Variants in STRN observed in about 807,000 individuals in gnomAD.
STRN encodes protein phosphatase 2 regulatory subunit B'''alpha.
Under a neutral mutation model 96.3 loss-of-function variants are expected in STRN, and 53 were observed. The ratio of observed to expected loss-of-function variants is 0.55; its 90% CI spans 0.44 to 0.69. STRN has a LOEUF of 0.69. STRN is among the 30% of genes least tolerant of loss of function. The pLI is 0.00. For synonymous variants in STRN, 428 were observed against 355.9 expected, an observed-to-expected ratio of 1.20 and a Z score of -2.28; for missense variants, 987 against 963.9, an observed-to-expected ratio of 1.02 and a Z score of -0.32.
intron 1 of STRN, among the ~76,000 whole-genome samples, chr2:36,956,976 T>C (rs1664904385): frequency 1.3e-5 from 2 of 151,926 alleles, no homozygotes; most frequent in African/African-American, 2.4e-5. Flanking sequence ...AACACAAAAA[T>C]AGGAAGGAAT....
At chr2:36,890,968 C>T (rs1306625173) in intron 7 of STRN, among the ~76,000 whole-genome samples, 1 of 152,098 alleles carries the variant, frequency 6.6e-6, no homozygotes, top group African/African-American at 2.4e-5. Context: ...CTATCCCTTA[C>T]CCGAAATGCT....
intron 2 of STRN, 146 bp downstream of exon 2, chr2:36,924,959 G>C: frequency 1.6e-6 from 1 of 623,618 alleles, no homozygotes; most frequent in Non-Finnish European, 2.9e-6. Context: ...GGGAGGCTGA[G>C]GCAGGAGAAT....
chr2:36,966,242 C>CCGCTCCACCTCCCACTGGGCT lies in STRN; in HGVS notation c.201_221dup (p.Gln69_Ala75dup). On this transcript the variant is annotated inframe_insertion, in exon 1 of 18. Coordinates refer to ENST00000263918, the MANE Select transcript of STRN (RefSeq NM_003162.4). ...GGAGGGTCTTTACCTGCAGCTCCGC[C>CCGCTCCACCTCCCACTGGGCT]CGCTCCACCTCCCACTGGGCTCTCT... 1.3e-6 allele frequency: 2 copies of CCGCTCCACCTCCCACTGGGCT among 1,572,832 alleles called. No individual in the cohort carries two copies. The highest frequency in any genetic ancestry group is 1.7e-6 in the Non-Finnish European group (2 of 1,161,786).
rs934887093 is a variant in STRN at position 36,839,238 on chromosome 2, A to AT, written c.*10217dup. 2.0e-5 allele frequency among the ~76,000 whole-genome samples: 3 copies of AT among 151,454 alleles called. No individual in the cohort carries two copies. Among genetic ancestry groups the AT allele is most frequent in the Admixed American group, 6.6e-5 (1 of 15,186 alleles). ...TCAAATCATCCCCCTTCCCTGCTCT[A>AT]TTTTTTTTCCCTCTGCACTTATCAC... is the stretch of plus-strand genomic sequence containing the variant. On this transcript the variant is annotated 3_prime_UTR_variant, in exon 18 of 18. Coordinates refer to ENST00000263918, the MANE Select transcript of STRN (RefSeq NM_003162.4).
intron 2 of STRN, 26 bp downstream of exon 2, chr2:36,925,079 C>G: frequency 1.9e-6 from 3 of 1,577,434 alleles, no homozygotes; most frequent in Non-Finnish European, 2.6e-6. Context: ...CAAAAAAGAA[C>G]ACCACTTTTC....
At position 36,932,951 on chromosome 2, in the gene STRN, C is replaced by T. The variant is rs540334788; in HGVS notation, c.235-7743G>A. 3.9e-5 allele frequency among the ~76,000 whole-genome samples: 6 copies of T among 152,216 alleles called. No individual in the cohort carries two copies. The South Asian group carries it at 1.2e-3, about 32-fold the overall frequency. ...TGAGATCCCAAAGGCTCCCTCAGAA[C>T]TCGAATCAGTCAGTTAAATTCCCTC... On this transcript the variant is annotated intron_variant, in intron 1 of 17. Coordinates refer to ENST00000263918, the MANE Select transcript of STRN (RefSeq NM_003162.4).
chr2:36,876,313 T>C (rs895145026), intron 10 of STRN, among the ~76,000 whole-genome samples: 36 of 152,010 alleles, frequency 2.4e-4, no homozygotes, highest in African/African-American at 8.5e-4. Context: ...TGTATCATAT[T>C]TGTGGAGAAT....
chr2:36,906,264 G>A (rs1471317848), intron 3 of STRN, among the ~76,000 whole-genome samples: 1 of 152,124 alleles, frequency 6.6e-6, no homozygotes, highest in Non-Finnish European at 1.5e-5. Flanking sequence ...AGGAGTTTGA[G>A]ACCAGCCTGG....
chr2:36,854,865 T>C (rs1668305380), intron 15 of STRN, among the ~76,000 whole-genome samples: 1 of 152,178 alleles, frequency 6.6e-6, no homozygotes, highest in South Asian at 2.1e-4. Flanking sequence ...AATATAAAAT[T>C]AAGTTGATTT....
chr2:36,911,316 A>G (rs931180680), intron 3 of STRN, among the ~76,000 whole-genome samples: 2 of 152,174 alleles, frequency 1.3e-5, no homozygotes, highest in African/African-American at 4.8e-5. Flanking sequence ...TGATTGTCTG[A>G]GCAGACCAGT....
In STRN at chr2:36,837,785, G is replaced by A. The variant is rs1667856207; in HGVS notation, c.*11671C>T. The stretch of plus-strand genomic sequence containing the variant: ...TTACAAGAGTTGGAAAAAAATGTTT[G>A]CATCCAAGATAAGAAAATCTGAACA... On this transcript the variant is annotated 3_prime_UTR_variant, in exon 18 of 18. Coordinates refer to ENST00000263918, the MANE Select transcript of STRN (RefSeq NM_003162.4). Among the ~76,000 whole-genome samples the A allele has an allele frequency of 6.6e-6, 1 of 152,116 alleles. No individual in the cohort carries two copies. Among genetic ancestry groups the A allele is most frequent in the Non-Finnish European group, 1.5e-5 (1 of 68,018 alleles).
At chr2:36,908,122 C>G (rs544408210) in intron 3 of STRN, among the ~76,000 whole-genome samples, 2 of 152,120 alleles carry the variant, frequency 1.3e-5, no homozygotes, top group Admixed American at 1.3e-4. Flanking sequence ...CAATATACCC[C>G]CTTCTTAAGT....
At chr2:36,904,307 G>T (rs1051688286) in intron 4 of STRN, among the ~76,000 whole-genome samples, 1 of 152,132 alleles carries the variant, frequency 6.6e-6, no homozygotes, top group African/African-American at 2.4e-5. Context: ...AGTAATAGCT[G>T]CTATACATCC....
chr2:36,861,769 C>T (rs1668488960), intron 12 of STRN, among the ~76,000 whole-genome samples: 1 of 150,444 alleles, frequency 6.6e-6, no homozygotes. Flanking sequence ...ACACACTTCT[C>T]ACAAAACTTT....
At chr2:36,964,437 T>C (rs1013443763) in intron 1 of STRN, among the ~76,000 whole-genome samples, 2 of 152,186 alleles carry the variant, frequency 1.3e-5, no homozygotes, top group East Asian at 1.9e-4. Context: ...CCACACCTTT[T>C]ATAGAATGCG....
chr2:36,959,052 G>A (rs1166505957), intron 1 of STRN, among the ~76,000 whole-genome samples: 1 of 152,106 alleles, frequency 6.6e-6, no homozygotes, highest in African/African-American at 2.4e-5. Context: ...GGAGGCGGAG[G>A]TTGCAGTGAG....
At chr2:36,928,806 G>A (rs149669809) in intron 1 of STRN, among the ~76,000 whole-genome samples, 7,719 of 151,118 alleles carry the variant, frequency 0.051, 666 homozygotes, top group African/African-American at 0.18. Flanking sequence ...AAAATTAGCC[G>A]GGCGTGGTGG....
chr2:36,926,049 G>C (rs1296707330), intron 1 of STRN, among the ~76,000 whole-genome samples: 1 of 152,002 alleles, frequency 6.6e-6, no homozygotes, highest in Non-Finnish European at 1.5e-5. Context: ...ACCTTGACAT[G>C]TAATCCATAG....
At chr2:36,924,095 G>A (rs946070402) in intron 2 of STRN, among the ~76,000 whole-genome samples, 41 of 152,072 alleles carry the variant, frequency 2.7e-4, no homozygotes, top group African/African-American at 8.2e-4. Context: ...GGTGGCTCAC[G>A]CCTGTAATCC....
Sources: allele counts gnomAD v4.1 joint callset (sites outside exome capture counted in the v4.1 genomes callset), GRCh38; gene constraint gnomAD v4.1.1; transcripts MANE v1.5; gene names NCBI Gene and HGNC (gene_info 2026-07-23, HGNC 2026-07-21).